Variants in GALNT1 observed in about 807,000 individuals in gnomAD.
The protein encoded by GALNT1 is polypeptide N-acetylgalactosaminyltransferase 1, also known as GalNAc transferase 1.
A neutral mutation model predicts 65.7 loss-of-function variants in GALNT1; 17 were observed. The observed-to-expected ratio is 0.26, with a 90% CI of 0.18 to 0.39. The LOEUF (loss-of-function observed/expected upper bound fraction) is 0.39. Among genes scored for constraint, GALNT1 ranks in the 10% least tolerant of loss-of-function variants. The pLI is 1.00. For missense variants in GALNT1, 460 were observed against 672.8 expected (o/e 0.68, Z 3.50); for synonymous variants, 210 against 219.7 (o/e 0.96, Z 0.39).
intron 9 of GALNT1, among the ~76,000 whole-genome samples, chr18:35,694,523 C>T (rs1186131802): frequency 2.0e-5 from 3 of 152,150 alleles, no homozygotes; most frequent in Non-Finnish European, 4.4e-5. Context: ...ATGGAGGTTT[C>T]TCAAAAAATG....
chr18:35,671,243 G>T (rs1408860079), intron 3 of GALNT1, among the ~76,000 whole-genome samples: 1 of 152,090 alleles, frequency 6.6e-6, no homozygotes, highest in African/African-American at 2.4e-5. Context: ...GAGAGACAGG[G>T]TCTTGCTCTG....
intron 1 of GALNT1, among the ~76,000 whole-genome samples, chr18:35,607,971 A>AT (rs1023285213): frequency 2.4e-4 from 36 of 152,064 alleles, no homozygotes; most frequent in African/African-American, 7.7e-4. Context: ...ATGTTTTAAA[A>AT]TTTTTTTGAT....
intron 1 of GALNT1, among the ~76,000 whole-genome samples, chr18:35,617,273 A>C (rs1356069692): frequency 1.3e-5 from 2 of 152,312 alleles, no homozygotes; most frequent in South Asian, 2.1e-4. Flanking sequence ...GGCATATAGT[A>C]GGGCAGTTAA....
At chr18:35,634,651 T>C (rs2047065831) in intron 1 of GALNT1, among the ~76,000 whole-genome samples, 1 of 152,200 alleles carries the variant, frequency 6.6e-6, no homozygotes, top group Non-Finnish European at 1.5e-5. Flanking sequence ...GAGATTTTTA[T>C]TGAGTCTGGT....
At chr18:35,627,778 C>T (rs766565334) in intron 1 of GALNT1, among the ~76,000 whole-genome samples, 2 of 152,092 alleles carry the variant, frequency 1.3e-5, no homozygotes, top group Non-Finnish European at 2.9e-5. Flanking sequence ...GGCATCACCT[C>T]ACTCGGGAAG....
intron 1 of GALNT1, among the ~76,000 whole-genome samples, chr18:35,604,338 T>C (rs1256073644): frequency 6.6e-6 from 1 of 152,196 alleles, no homozygotes; most frequent in East Asian, 1.9e-4. Flanking sequence ...GGCATCTAGA[T>C]TGATTTCATG....
At chr18:35,589,326 T>C (rs964710470) in intron 1 of GALNT1, among the ~76,000 whole-genome samples, 3 of 152,154 alleles carry the variant, frequency 2.0e-5, no homozygotes, top group African/African-American at 7.2e-5. Flanking sequence ...GGGTGCCTTA[T>C]TATAACCCGG....
intron 5 of GALNT1, among the ~76,000 whole-genome samples, chr18:35,686,114 TAGAAAATATAATGCAAAA>T (rs1480409078): frequency 6.6e-6 from 1 of 152,176 alleles, no homozygotes; most frequent in East Asian, 1.9e-4. Flanking sequence ...AAGGAATACT[TAGAAAATATAATGCAAAA>T]AGAAAAGATA....
intron 9 of GALNT1, among the ~76,000 whole-genome samples, chr18:35,701,656 G>A (rs578221766): frequency 1.3e-5 from 2 of 152,188 alleles, no homozygotes; most frequent in East Asian, 3.9e-4. Context: ...ACAAGTTGTG[G>A]GAATAGTAAT....
intron 2 of GALNT1, among the ~76,000 whole-genome samples, chr18:35,657,654 T>C (rs892160103): frequency 6.6e-6 from 1 of 152,070 alleles, no homozygotes; most frequent in Non-Finnish European, 1.5e-5. Flanking sequence ...AAGGGTGGCA[T>C]TTGCTCAGAG....
chr18:35,675,047 G>T (rs1040586530), intron 3 of GALNT1, among the ~76,000 whole-genome samples: 2 of 150,992 alleles, frequency 1.3e-5, no homozygotes, highest in African/African-American at 4.9e-5. Context: ...GTCTCACTTG[G>T]GCAAGTGTGG....
intron 2 of GALNT1, among the ~76,000 whole-genome samples, chr18:35,657,009 G>A (rs1044297987): frequency 2.0e-5 from 3 of 152,202 alleles, no homozygotes; most frequent in Non-Finnish European, 4.4e-5. Context: ...ATGGTTGGAC[G>A]AATTGATGCT....
intron 1 of GALNT1, among the ~76,000 whole-genome samples, chr18:35,642,786 G>A (rs1160032280): frequency 6.6e-6 from 1 of 152,058 alleles, no homozygotes; most frequent in Non-Finnish European, 1.5e-5. Flanking sequence ...GGTTGTGTCA[G>A]GAACCCAATT....
chr18:35,683,450 AT>A lies in GALNT1; in HGVS notation c.543del (p.Arg182GlufsTer8). The A allele has an allele frequency of 6.2e-7, 1 of 1,613,834 alleles. No individual in the cohort carries two copies. Among genetic ancestry groups the A allele is most frequent in the Non-Finnish European group, 8.5e-7 (1 of 1,179,870 alleles). On this transcript the variant is annotated frameshift_variant, in exon 5 of 12. Coordinates refer to ENST00000269195, the MANE Select transcript of GALNT1 (RefSeq NM_020474.4). LOFTEE classifies it high-confidence loss of function. ...VKKLKVPVHV[I>X]RMEQRSGLIR... is the part of the protein sequence containing the mutation. ...AAAACTAAAAGTACCAGTTCATGTA[AT>A]TCGAATGGAACAACGTTCTGGATTG...
chr18:35,611,302 C>T (rs1036786725), intron 1 of GALNT1, among the ~76,000 whole-genome samples: 3 of 151,972 alleles, frequency 2.0e-5, no homozygotes, highest in Admixed American at 6.6e-5. Context: ...CTAAATTGGC[C>T]AAGGGATTGA....
intron 3 of GALNT1, chr18:35,664,233 C>T (rs1182873185): frequency 1.3e-5 from 2 of 157,990 alleles, no homozygotes; most frequent in East Asian, 1.9e-4. Context: ...CCCTGAAAGT[C>T]TCCTTATGTT....
chr18:35,659,593 T>C (rs1162321312), intron 2 of GALNT1, among the ~76,000 whole-genome samples: 1 of 150,496 alleles, frequency 6.6e-6, no homozygotes, highest in Non-Finnish European at 1.5e-5. Flanking sequence ...GGGTGTTATA[T>C]AGAGTGTTCA....
chr18:35,679,097 C>T (rs774238718), intron 4 of GALNT1, among the ~76,000 whole-genome samples: 3 of 152,150 alleles, frequency 2.0e-5, no homozygotes, highest in Middle Eastern at 3.4e-3. Flanking sequence ...GAATACCACA[C>T]GTAAAGAAAT....
intron 1 of GALNT1, among the ~76,000 whole-genome samples, chr18:35,646,125 G>T (rs950421487): frequency 3.3e-5 from 5 of 152,166 alleles, no homozygotes; most frequent in African/African-American, 1.2e-4. Flanking sequence ...CATGGCAGAA[G>T]GTGAAGGGGA....
Sources: gnomAD v4.1 joint callset for allele counts (sites outside exome capture counted in the v4.1 genomes callset) on GRCh38, gnomAD v4.1.1 for gene constraint, MANE v1.5 for transcripts, NCBI Gene and HGNC (gene_info 2026-07-23, HGNC 2026-07-21) for gene names.